The following MAN2A1 variants were observed in gnomAD, a reference collection of about 807,000 sequenced individuals.
MAN2A1 encodes mannosidase alpha class 2A member 1.
A neutral mutation model predicts 142.6 loss-of-function variants in MAN2A1; 76 were observed. The ratio of observed to expected loss-of-function variants is 0.53; its 90% CI spans 0.44 to 0.65. The LOEUF (loss-of-function observed/expected upper bound fraction) is 0.65. MAN2A1 is among the 30% of genes least tolerant of loss of function. The pLI, the probability that MAN2A1 is intolerant of heterozygous loss-of-function variation, is 0.00. For missense variants in MAN2A1, 1,311 were observed against 1,365.1 expected (o/e 0.96, Z 0.62); for synonymous variants, 559 against 473.2 (o/e 1.18, Z -2.35).
intron 16 of MAN2A1, among the ~76,000 whole-genome samples, chr5:109,837,265 TAA>T (rs764287495): frequency 6.6e-6 from 1 of 151,778 alleles, no homozygotes; most frequent in African/African-American, 2.4e-5. Context: ...TGTGCCATTT[TAA>T]AAGAGAGTTT....
intron 13 of MAN2A1, among the ~76,000 whole-genome samples, chr5:109,818,892 C>T (rs190955224): frequency 4.5e-4 from 68 of 152,294 alleles, no homozygotes; most frequent in African/African-American, 1.5e-3. Flanking sequence ...TATTGTTACA[C>T]AGCCATGCCT....
At chr5:109,692,234 G>A (rs1347574432) in intron 1 of MAN2A1, among the ~76,000 whole-genome samples, 1 of 152,104 alleles carries the variant, frequency 6.6e-6, no homozygotes, top group African/African-American at 2.4e-5. Context: ...TCTATCCTTA[G>A]TCCTCAATGA....
In MAN2A1 at chr5:109,767,662, C is replaced by G. The variant is rs1490642048; in HGVS notation, c.963C>G (p.His321Gln). ...IQRVHYAVKK[H>Q]FALHKTLEFF... ...GAGTTCATTATGCAGTTAAAAAACA[C>G]TTTGCACTGCATAAAACATTGGAGT... The change falls in exon 6 of 22, where the codon CAC becomes CAG. Residue 321 changes from histidine to glutamine, a missense_variant. This residue lies in a region of MAN2A1 where 409 missense variants were observed against 412.7 expected (regional missense o/e 0.99). Transcript: ENST00000261483. 1.9e-6 allele frequency: 3 copies of G among 1,613,496 alleles called. 1 individual carries two copies. In the South Asian group the frequency reaches 3.3e-5, roughly 18 times the overall value.
At chr5:109,709,702 A>AT (rs969595287) in intron 1 of MAN2A1, among the ~76,000 whole-genome samples, 19 of 152,138 alleles carry the variant, frequency 1.2e-4, no homozygotes, top group African/African-American at 4.1e-4. Context: ...TTGATATGTG[A>AT]TTTTTTGCTT....
At chr5:109,712,094 A>G (rs1293496265) in intron 1 of MAN2A1, among the ~76,000 whole-genome samples, 1 of 128,400 alleles carries the variant, frequency 7.8e-6, no homozygotes, top group Non-Finnish European at 1.6e-5. Flanking sequence ...AATTTTGGCT[A>G]CTTTTTTTTT....
intron 1 of MAN2A1, among the ~76,000 whole-genome samples, chr5:109,711,238 A>G (rs1171943101): frequency 1.3e-5 from 2 of 152,218 alleles, no homozygotes; most frequent in Non-Finnish European, 2.9e-5. Flanking sequence ...ACATGTTCTA[A>G]TACTGCTTGT....
intron 7 of MAN2A1, among the ~76,000 whole-genome samples, chr5:109,772,306 T>C (rs1052342449): frequency 6.6e-6 from 1 of 151,692 alleles, no homozygotes; most frequent in Non-Finnish European, 1.5e-5. Context: ...GAGGCAGAGC[T>C]TGCAGTGAGC....
chr5:109,818,378 C>T (rs1218057274), intron 13 of MAN2A1, among the ~76,000 whole-genome samples: 8 of 151,980 alleles, frequency 5.3e-5, no homozygotes, highest in Non-Finnish European at 1.2e-4. Flanking sequence ...CCCCGTGATC[C>T]ACCTTCTAGC....
chr5:109,727,162 T>A (rs1390757453), intron 3 of MAN2A1, among the ~76,000 whole-genome samples: 6 of 152,216 alleles, frequency 3.9e-5, no homozygotes. Context: ...TAGGGCTGAA[T>A]AAGTTTGCTA....
At chr5:109,748,289 A>G (rs1259447803) in intron 4 of MAN2A1, among the ~76,000 whole-genome samples, 1 of 152,156 alleles carries the variant, frequency 6.6e-6, no homozygotes, top group East Asian at 1.9e-4. Flanking sequence ...CTGATAGGTG[A>G]AAAGTGGCAT....
chr5:109,860,773 A>G (rs1755735253), intron 20 of MAN2A1, among the ~76,000 whole-genome samples: 1 of 152,142 alleles, frequency 6.6e-6, no homozygotes, highest in Admixed American at 6.6e-5. Context: ...AGTGGGGTGA[A>G]TGGATAGGTG....
chr5:109,842,806 G>GTTTTTTGTTTTTTTTTTTTTTTTTTTT (rs1554082994), intron 17 of MAN2A1, among the ~76,000 whole-genome samples: 1 of 116,214 alleles, frequency 8.6e-6, no homozygotes, highest in African/African-American at 3.3e-5. Flanking sequence ...TACTTATTGG[G>GTTTTTTGTTTTTTTTTTTTTTTTTTTT]TTTTTTTTTT....
At chr5:109,769,531 G>A (rs1015358911) in intron 6 of MAN2A1, among the ~76,000 whole-genome samples, 6 of 152,076 alleles carry the variant, frequency 3.9e-5, no homozygotes, top group Admixed American at 1.3e-4. Context: ...GATCATATTC[G>A]CAAAGATAGC....
At chr5:109,796,507 T>C (rs1429899031) in intron 12 of MAN2A1, among the ~76,000 whole-genome samples, 1 of 152,208 alleles carries the variant, frequency 6.6e-6, no homozygotes, top group African/African-American at 2.4e-5. Flanking sequence ...ATCACATTGA[T>C]GAAAGGGCTT....
intron 20 of MAN2A1, among the ~76,000 whole-genome samples, chr5:109,859,968 T>A (rs1755715354): frequency 6.6e-6 from 1 of 151,446 alleles, no homozygotes; most frequent in Non-Finnish European, 1.5e-5. Flanking sequence ...CTTAACTCTT[T>A]CTCTATGTAA....
At chr5:109,763,558 G>A (rs774085022) in intron 5 of MAN2A1, among the ~76,000 whole-genome samples, 10 of 151,026 alleles carry the variant, frequency 6.6e-5, no homozygotes, top group Non-Finnish European at 1.2e-4. Flanking sequence ...TAGGGTACAT[G>A]TGCACAATGT....
intron 4 of MAN2A1, among the ~76,000 whole-genome samples, chr5:109,754,057 C>T: frequency 6.6e-6 from 1 of 151,810 alleles, no homozygotes; most frequent in East Asian, 1.9e-4. Context: ...TACAGGCATG[C>T]ACCACCACAC....
intron 20 of MAN2A1, among the ~76,000 whole-genome samples, chr5:109,860,090 C>T (rs1398464507): frequency 6.6e-6 from 1 of 151,958 alleles, no homozygotes; most frequent in Non-Finnish European, 1.5e-5. Flanking sequence ...TCTGCCTCTT[C>T]TTTTCTTATA....
At chr5:109,778,237 A>G (rs1210761706) in intron 8 of MAN2A1, among the ~76,000 whole-genome samples, 1 of 152,080 alleles carries the variant, frequency 6.6e-6, no homozygotes, top group East Asian at 1.9e-4. Context: ...TTAGCCTTGT[A>G]TCCAGTAACT....
Sources: gnomAD v4.1 joint callset for allele counts (sites outside exome capture counted in the v4.1 genomes callset) on GRCh38, gnomAD v4.1.1 for gene constraint, gnomAD v4.1.1 regional missense constraint, MANE v1.5 for transcripts, NCBI Gene and HGNC (gene_info 2026-07-23, HGNC 2026-07-21) for gene names.